Variants in KCNIP1 observed in about 807,000 individuals in gnomAD.
KCNIP1 encodes the protein potassium voltage-gated channel interacting protein 1.
KCNIP1 carries 18 observed loss-of-function variants against 33.0 expected under a neutral mutation model. That is an observed-to-expected ratio of 0.55 (90% CI 0.38 to 0.81). The LOEUF is 0.81. Among genes scored for constraint, KCNIP1 ranks in the 30% least tolerant of loss-of-function variants. KCNIP1 has a pLI of 0.00. For missense variants in KCNIP1, 238 were observed against 271.6 expected (o/e 0.88, Z 0.87); for synonymous variants, 93 against 98.3 (o/e 0.95, Z 0.32).
At chr5:170,483,300 G>A (rs1299236770) in intron 1 of KCNIP1, 3 of 273,696 alleles carry the variant, frequency 1.1e-5, no homozygotes, top group Non-Finnish European at 2.1e-5. Context: ...TCCCTCCCCA[G>A]GAGGAGATGC....
At chr5:170,661,933 T>TG (rs999045434) in intron 1 of KCNIP1, among the ~76,000 whole-genome samples, 3 of 152,160 alleles carry the variant, frequency 2.0e-5, no homozygotes, top group African/African-American at 7.2e-5. Flanking sequence ...GAGCTTTCCT[T>TG]GCAAGGCTCG....
intron 1 of KCNIP1, among the ~76,000 whole-genome samples, chr5:170,388,025 C>A (rs938136281): frequency 8.4e-5 from 10 of 118,948 alleles, no homozygotes; most frequent in Non-Finnish European, 1.8e-4. Flanking sequence ...TCAGCCCCCC[C>A]CAGCGCCCAG....
chr5:170,399,042 C>T (rs1193111171), intron 1 of KCNIP1, among the ~76,000 whole-genome samples: 1 of 152,146 alleles, frequency 6.6e-6, no homozygotes, highest in Non-Finnish European at 1.5e-5. Flanking sequence ...GGAGGAGGAG[C>T]ATGCCATCCT....
At chr5:170,621,241 C>T (rs548182541) in intron 1 of KCNIP1, among the ~76,000 whole-genome samples, 1 of 152,218 alleles carries the variant, frequency 6.6e-6, no homozygotes, top group African/African-American at 2.4e-5. Context: ...CTGGCCTAGA[C>T]CCTGTAGGCC....
intron 1 of KCNIP1, among the ~76,000 whole-genome samples, chr5:170,594,003 C>A (rs1386047717): frequency 6.6e-6 from 1 of 152,238 alleles, no homozygotes; most frequent in Non-Finnish European, 1.5e-5. Context: ...TTCATTCAAT[C>A]TTGTGTCAAG....
intron 2 of KCNIP1, among the ~76,000 whole-genome samples, chr5:170,719,851 G>A (rs1763757840): frequency 1.3e-5 from 2 of 152,162 alleles, no homozygotes; most frequent in South Asian, 2.1e-4. Flanking sequence ...AGGATCCTGT[G>A]GGAAAGTTTT....
chr5:170,561,419 G>A (rs1324156103), intron 1 of KCNIP1, among the ~76,000 whole-genome samples: 1 of 152,214 alleles, frequency 6.6e-6, no homozygotes, highest in Non-Finnish European at 1.5e-5. Context: ...TTGGAACAGA[G>A]AAAGGAGGAG....
At chr5:170,640,537 G>A (rs557984518) in intron 1 of KCNIP1, among the ~76,000 whole-genome samples, 40 of 152,188 alleles carry the variant, frequency 2.6e-4, no homozygotes, top group African/African-American at 8.4e-4. Flanking sequence ...GAAGCATTTC[G>A]AGGAAAAAAA....
In KCNIP1 at chr5:170,533,439, G is replaced by C. The variant is rs11957431; in HGVS notation, c.61+28806G>C. On this transcript the variant is annotated intron_variant, in intron 1 of 7. Transcript: ENST00000328939. ...TCAGCTCTGGAAACTAATATAGAGA[G>C]CTGAGTAACTTGCTTGAGGCCATGA... Among the ~76,000 whole-genome samples, 1,141 of 152,294 alleles carry C rather than the reference G, an allele frequency of 7.5e-3. 19 individuals carry two copies. Among genetic ancestry groups the C allele is most frequent in the African/African-American group, 0.026 (1,080 of 41,548 alleles).
intron 1 of KCNIP1, among the ~76,000 whole-genome samples, chr5:170,441,118 A>G (rs1414825858): frequency 1.3e-5 from 2 of 152,194 alleles, no homozygotes; most frequent in African/African-American, 4.8e-5. Flanking sequence ...TTTAGTTCCT[A>G]TAACTAAACT....
At chr5:170,410,474 T>A (rs535506970) in intron 1 of KCNIP1, among the ~76,000 whole-genome samples, 3 of 151,254 alleles carry the variant, frequency 2.0e-5, no homozygotes, top group Non-Finnish European at 4.4e-5. Flanking sequence ...ATGTTGTTCT[T>A]GCACCCTGAA....
At chr5:170,356,881 C>T (rs534507166) in intron 1 of KCNIP1, among the ~76,000 whole-genome samples, 5 of 152,308 alleles carry the variant, frequency 3.3e-5, no homozygotes, top group African/African-American at 1.2e-4. Flanking sequence ...CAAATGCTCT[C>T]TGAAGTCTGT....
intron 1 of KCNIP1, among the ~76,000 whole-genome samples, chr5:170,474,390 C>A (rs966939281): frequency 3.9e-5 from 6 of 152,166 alleles, no homozygotes; most frequent in African/African-American, 1.2e-4. Context: ...CCCCGCCCCC[C>A]ATACCTATGC....
At chr5:170,551,296 C>T (rs1756624318) in intron 1 of KCNIP1, among the ~76,000 whole-genome samples, 2 of 152,214 alleles carry the variant, frequency 1.3e-5, no homozygotes, top group African/African-American at 4.8e-5. Flanking sequence ...GTATAACCCT[C>T]ACCACTTCTA....
At chr5:170,681,966 T>C (rs949198939) in intron 1 of KCNIP1, among the ~76,000 whole-genome samples, 1 of 152,200 alleles carries the variant, frequency 6.6e-6, no homozygotes, top group East Asian at 1.9e-4. Flanking sequence ...TAAAACAAGA[T>C]CAAACTCCAA....
At chr5:170,509,309 T>C (rs1252869462) in intron 1 of KCNIP1, among the ~76,000 whole-genome samples, 1 of 152,208 alleles carries the variant, frequency 6.6e-6, no homozygotes, top group East Asian at 1.9e-4. Context: ...GGCACAGTTC[T>C]GGTCCCTCAA....
intron 1 of KCNIP1, among the ~76,000 whole-genome samples, chr5:170,426,274 A>ACACACACAC (rs371118514): frequency 1.6e-4 from 9 of 56,784 alleles, no homozygotes; most frequent in South Asian, 1.2e-3. Flanking sequence ...CACACACACA[A>ACACACACAC]ACACACACAC....
chr5:170,560,772 C>T (rs954189976), intron 1 of KCNIP1, among the ~76,000 whole-genome samples: 1 of 152,070 alleles, frequency 6.6e-6, no homozygotes, highest in African/African-American at 2.4e-5. Context: ...CTTTCTTTGT[C>T]ATGTCTTTCT....
chr5:170,608,741 C>T (rs903887440), intron 1 of KCNIP1, among the ~76,000 whole-genome samples: 4 of 147,222 alleles, frequency 2.7e-5, no homozygotes, highest in African/African-American at 1.0e-4. Flanking sequence ...CCAGCCTGGG[C>T]GACAGGGTGA....
Sources: allele counts gnomAD v4.1 joint callset (sites outside exome capture counted in the v4.1 genomes callset), GRCh38; gene constraint gnomAD v4.1.1; transcripts MANE v1.5; gene names NCBI Gene and HGNC (gene_info 2026-07-23, HGNC 2026-07-21).